Variants in RBFOX3 observed in about 807,000 individuals in gnomAD.
RBFOX3 encodes RNA binding fox-1 homolog 3.
RBFOX3 carries 17 observed loss-of-function variants against 48.7 expected under a neutral mutation model. The observed-to-expected ratio is 0.35, with a 90% CI of 0.24 to 0.52. The LOEUF is 0.52. Among genes scored for constraint, RBFOX3 ranks in the 20% least tolerant of loss-of-function variants. The pLI, the probability that RBFOX3 is intolerant of heterozygous loss-of-function variation, is 0.94. For synonymous variants in RBFOX3, 212 were observed against 209.5 expected (o/e 1.01, Z -0.10); for missense variants, 382 against 497.5 (o/e 0.77, Z 2.21).
chr17:79,610,071 G>GCCCGGAGCGCC (rs1338438307), intron 1 of RBFOX3, among the ~76,000 whole-genome samples: 1 of 151,974 alleles, frequency 6.6e-6, no homozygotes, highest in Non-Finnish European at 1.5e-5. Flanking sequence ...TGGGGACTCG[G>GCCCGGAGCGCC]CCCGGAGCGC....
At chr17:79,595,037 C>T (rs2093531159) in intron 1 of RBFOX3, among the ~76,000 whole-genome samples, 1 of 152,118 alleles carries the variant, frequency 6.6e-6, no homozygotes, top group Admixed American at 6.5e-5. Context: ...AGAACGGAGC[C>T]CTGAGGACAC....
At chr17:79,155,592 C>A (rs980534547) in intron 4 of RBFOX3, among the ~76,000 whole-genome samples, 3 of 152,128 alleles carry the variant, frequency 2.0e-5, no homozygotes, top group African/African-American at 7.2e-5. Flanking sequence ...CAGCTGGGGG[C>A]AGGGGGGTCT....
At chr17:79,348,571 CTTTTTTTTTTTTT>C (rs71358701) in intron 2 of RBFOX3, among the ~76,000 whole-genome samples, 3 of 75,144 alleles carry the variant, frequency 4.0e-5, no homozygotes, top group African/African-American at 1.1e-4. Context: ...TTTTCTTTTC[CTTTTTTTTTTTTT>C]TTTTTTTTTT....
At chr17:79,245,435 G>C (rs2063021000) in intron 3 of RBFOX3, among the ~76,000 whole-genome samples, 2 of 151,998 alleles carry the variant, frequency 1.3e-5, no homozygotes, top group Admixed American at 6.6e-5. Flanking sequence ...TGAATTTTTT[G>C]TGGTAAAATG....
intron 2 of RBFOX3, among the ~76,000 whole-genome samples, chr17:79,478,784 A>G (rs1484658228): frequency 3.3e-5 from 5 of 152,248 alleles, no homozygotes; most frequent in Non-Finnish European, 7.3e-5. Context: ...CACTGCATGT[A>G]ACAGACAAAT....
intron 4 of RBFOX3, among the ~76,000 whole-genome samples, chr17:79,182,166 A>C (rs2052143778): frequency 6.6e-6 from 1 of 152,052 alleles, no homozygotes; most frequent in Non-Finnish European, 1.5e-5. Context: ...CGGGGTGCAG[A>C]ACGCGTCCTA....
intron 2 of RBFOX3, among the ~76,000 whole-genome samples, chr17:79,309,679 G>T (rs995504202): frequency 6.6e-6 from 1 of 152,210 alleles, no homozygotes; most frequent in Admixed American, 6.5e-5. Flanking sequence ...TAATCCCCAT[G>T]TGTTGAGGGA....
intron 4 of RBFOX3, among the ~76,000 whole-genome samples, chr17:79,137,125 G>C (rs1325549463): frequency 6.6e-6 from 1 of 152,086 alleles, no homozygotes; most frequent in Non-Finnish European, 1.5e-5. Context: ...GTAGCCCCTG[G>C]ATGCATCCTC....
intron 2 of RBFOX3, among the ~76,000 whole-genome samples, chr17:79,420,849 A>G (rs2066225574): frequency 6.6e-6 from 1 of 152,198 alleles, no homozygotes; most frequent in Admixed American, 6.5e-5. Flanking sequence ...TCGTCTAGCC[A>G]GGAAGTAACA....
At chr17:79,194,758 GT>G (rs1555599601) in intron 4 of RBFOX3, among the ~76,000 whole-genome samples, 1 of 10,564 alleles carries the variant, frequency 9.5e-5, no homozygotes, top group African/African-American at 1.8e-4. Context: ...GTGTGGGTGT[GT>G]GTGTGTGTGT....
intron 4 of RBFOX3, among the ~76,000 whole-genome samples, chr17:79,159,979 CT>C (rs1182427857): frequency 6.6e-6 from 1 of 152,242 alleles, no homozygotes; most frequent in Non-Finnish European, 1.5e-5. Context: ...CCCCACTGCC[CT>C]CTGAAGTGCA....
At chr17:79,263,781 T>C (rs1008669904) in intron 3 of RBFOX3, among the ~76,000 whole-genome samples, 3 of 152,138 alleles carry the variant, frequency 2.0e-5, no homozygotes, top group Admixed American at 1.3e-4. Flanking sequence ...GGCAGAACGA[T>C]GTCCCCAAGA....
chr17:79,442,499 A>G (rs2071352792), intron 2 of RBFOX3, among the ~76,000 whole-genome samples: 1 of 151,938 alleles, frequency 6.6e-6, no homozygotes, highest in Admixed American at 6.6e-5. Context: ...CCTTGTGGTG[A>G]GAGGCGTATG....
chr17:79,524,404 G>A (rs1254524650), intron 1 of RBFOX3, among the ~76,000 whole-genome samples: 6 of 152,038 alleles, frequency 3.9e-5, no homozygotes, highest in South Asian at 2.1e-4. Flanking sequence ...CTCTCTCTTC[G>A]GCAACCTCCC....
At chr17:79,310,758 C>G (rs2076740313) in intron 2 of RBFOX3, among the ~76,000 whole-genome samples, 1 of 152,228 alleles carries the variant, frequency 6.6e-6, no homozygotes, top group South Asian at 2.1e-4. Flanking sequence ...CGGCATTAAA[C>G]ATCTAATGCA....
chr17:79,634,494 A>T, the RBFOX3 span, among the ~76,000 whole-genome samples: 1 of 152,200 alleles, frequency 6.6e-6, no homozygotes, highest in African/African-American at 2.4e-5. Context: ...CTCCTTGGAC[A>T]TCAGAGCTGC....
intron 1 of RBFOX3, among the ~76,000 whole-genome samples, chr17:79,526,930 G>C (rs1447495776): frequency 1.3e-5 from 2 of 152,232 alleles, no homozygotes; most frequent in African/African-American, 2.4e-5. Flanking sequence ...CCACGCTGGA[G>C]GCTTCAAGGT....
chr17:79,650,168 C>A, the RBFOX3 span, among the ~76,000 whole-genome samples: 1 of 152,164 alleles, frequency 6.6e-6, no homozygotes, highest in Non-Finnish European at 1.5e-5. Context: ...AAGTTCCCAA[C>A]AACTGATGGT....
chr17:79,211,938 A>T (rs2058436151), intron 4 of RBFOX3, among the ~76,000 whole-genome samples: 2 of 152,042 alleles, frequency 1.3e-5, no homozygotes, highest in Non-Finnish European at 2.9e-5. Context: ...GTGGGGGGGA[A>T]CAAGACAGAT....
Sources: allele counts gnomAD v4.1 joint callset (sites outside exome capture counted in the v4.1 genomes callset), GRCh38; gene constraint gnomAD v4.1.1; transcripts MANE v1.5; gene names NCBI Gene and HGNC (gene_info 2026-07-23, HGNC 2026-07-21).